Variants in GPC5 observed in about 807,000 individuals in gnomAD.
GPC5 encodes glypican 5.
In GPC5, 47 loss-of-function variants were observed where a neutral mutation model predicts 53.9. That is an observed-to-expected ratio of 0.87 (90% confidence interval 0.69 to 1.11). GPC5 has a LOEUF of 1.11. GPC5 is among the 50% of genes most tolerant of loss of function. The pLI, the probability that GPC5 is intolerant of heterozygous loss-of-function variation, is 0.00. For synonymous variants in GPC5, 286 were observed against 263.3 expected (o/e 1.09, Z -0.84); for missense variants, 748 against 713.1 (o/e 1.05, Z -0.56).
intron 6 of GPC5, among the ~76,000 whole-genome samples, chr13:92,133,670 C>T (rs2041762317): frequency 2.6e-5 from 4 of 152,102 alleles, no homozygotes; most frequent in Admixed American, 2.0e-4. Flanking sequence ...CTTTCAATGA[C>T]ATCAGTCTCA....
At chr13:91,494,136 C>T (rs187210376) in intron 2 of GPC5, among the ~76,000 whole-genome samples, 6 of 151,816 alleles carry the variant, frequency 4.0e-5, no homozygotes, top group Admixed American at 6.6e-5. Context: ...GTGATCCACC[C>T]GCCTCGGCCT....
chr13:91,567,873 C>T (rs1175630079), intron 2 of GPC5, among the ~76,000 whole-genome samples: 1 of 152,094 alleles, frequency 6.6e-6, no homozygotes, highest in Non-Finnish European at 1.5e-5. Flanking sequence ...AATTGTAATC[C>T]CCGCATGTGG....
At chr13:92,358,585 G>A (rs1234478925) in intron 7 of GPC5, among the ~76,000 whole-genome samples, 1 of 151,706 alleles carries the variant, frequency 6.6e-6, no homozygotes. Context: ...GGACATTCAG[G>A]CATTTCCATA....
At chr13:92,152,959 A>G (rs1449851934) in intron 7 of GPC5, among the ~76,000 whole-genome samples, 2 of 152,180 alleles carry the variant, frequency 1.3e-5, no homozygotes, top group Non-Finnish European at 2.9e-5. Flanking sequence ...TATAAAAAAT[A>G]CAGTTTTAAC....
chr13:92,123,032 ATG>A (rs2041664048), intron 6 of GPC5, among the ~76,000 whole-genome samples: 1 of 152,120 alleles, frequency 6.6e-6, no homozygotes, highest in Admixed American at 6.5e-5. Context: ...TCACAAATAG[ATG>A]TGAGGGCAAA....
chr13:92,133,660 C>A (rs571411419), intron 6 of GPC5, among the ~76,000 whole-genome samples: 2 of 152,210 alleles, frequency 1.3e-5, no homozygotes, highest in African/African-American at 4.8e-5. Context: ...TCTTTTCTAT[C>A]TTTCAATGAC....
chr13:92,343,664 T>G (rs1230971407), intron 7 of GPC5, among the ~76,000 whole-genome samples: 1 of 152,046 alleles, frequency 6.6e-6, no homozygotes, highest in African/African-American at 2.4e-5. Context: ...TAAAATTAAA[T>G]TTTCAATAAT....
At chr13:92,790,668 G>A (rs1876428325) in intron 7 of GPC5, among the ~76,000 whole-genome samples, 2 of 152,062 alleles carry the variant, frequency 1.3e-5, no homozygotes, top group Admixed American at 6.6e-5. Flanking sequence ...ATAAAGGAAG[G>A]AAGGAAGAAG....
intron 7 of GPC5, among the ~76,000 whole-genome samples, chr13:92,691,770 G>T (rs1887408264): frequency 1.3e-5 from 2 of 150,428 alleles, no homozygotes; most frequent in African/African-American, 4.9e-5. Flanking sequence ...ATGGTTTTAG[G>T]GTTTTTTTTT....
intron 2 of GPC5, among the ~76,000 whole-genome samples, chr13:91,687,662 A>G (rs1052720173): frequency 2.0e-5 from 3 of 152,054 alleles, no homozygotes; most frequent in Non-Finnish European, 2.9e-5. Context: ...AAAACTGGAA[A>G]TTATTCTGTC....
chr13:91,562,188 TAAAAAAAAAAAA>T (rs10603242), intron 2 of GPC5, among the ~76,000 whole-genome samples: 1 of 45,058 alleles, frequency 2.2e-5, no homozygotes, highest in Admixed American at 3.4e-4. Flanking sequence ...GGAGCAACAG[TAAAAAAAAAAAA>T]AAAAAAAAAA....
At chr13:92,552,010 C>G (rs1253644001) in intron 7 of GPC5, among the ~76,000 whole-genome samples, 1 of 151,884 alleles carries the variant, frequency 6.6e-6, no homozygotes, top group Non-Finnish European at 1.5e-5. Context: ...TGAGATGTTA[C>G]TGTGCTAATA....
chr13:91,887,484 A>G (rs1421672546), intron 5 of GPC5, among the ~76,000 whole-genome samples: 1 of 152,130 alleles, frequency 6.6e-6, no homozygotes, highest in Admixed American at 6.5e-5. Flanking sequence ...TATTTATGCA[A>G]ATTTCTGCAG....
At chr13:92,512,548 C>G (rs1175754528) in intron 7 of GPC5, among the ~76,000 whole-genome samples, 1 of 132,816 alleles carries the variant, frequency 7.5e-6, no homozygotes, top group East Asian at 2.2e-4. Context: ...AGAAAGTTAT[C>G]AACATAATGA....
At chr13:92,170,420 C>CTTTTTTTTTTTTTTTTTT (rs61418155) in intron 7 of GPC5, among the ~76,000 whole-genome samples, 1 of 75,260 alleles carries the variant, frequency 1.3e-5, no homozygotes, top group African/African-American at 5.2e-5. Context: ...CTTTTCTTTG[C>CTTTTTTTTTTTTTTTTTT]TTTTTTTTTT....
intron 2 of GPC5, among the ~76,000 whole-genome samples, chr13:91,516,252 G>T (rs112041078): frequency 0.023 from 3,470 of 152,234 alleles, 53 homozygotes; most frequent in Non-Finnish European, 0.036. Context: ...AGTCTCTTCT[G>T]CCTATGAGTC....
At chr13:91,690,241 A>C (rs548491821) in intron 2 of GPC5, among the ~76,000 whole-genome samples, 1 of 152,318 alleles carries the variant, frequency 6.6e-6, no homozygotes, top group South Asian at 2.1e-4. Context: ...ATGAAAGCTA[A>C]AATTTTAATG....
At chr13:92,834,648 T>C (rs1268901227) in intron 7 of GPC5, among the ~76,000 whole-genome samples, 1 of 152,242 alleles carries the variant, frequency 6.6e-6, no homozygotes, top group East Asian at 1.9e-4. Context: ...TAACGTCTAA[T>C]GTCTGTTCTC....
intron 7 of GPC5, among the ~76,000 whole-genome samples, chr13:92,349,610 TA>T (rs2043458402): frequency 1.3e-5 from 2 of 152,012 alleles, no homozygotes; most frequent in Non-Finnish European, 2.9e-5. Context: ...GCAACTATTA[TA>T]AATATATAGC....
Sources: allele counts gnomAD v4.1 joint callset (sites outside exome capture counted in the v4.1 genomes callset), GRCh38; gene constraint gnomAD v4.1.1; transcripts MANE v1.5; gene names NCBI Gene and HGNC (gene_info 2026-07-23, HGNC 2026-07-21).